Variants in SULT1B1 observed in about 807,000 individuals in gnomAD.
SULT1B1 encodes the protein sulfotransferase 1B1.
In SULT1B1, 28 loss-of-function variants were observed where a neutral mutation model predicts 34.6. The ratio of observed to expected loss-of-function variants is 0.81; its 90% CI spans 0.60 to 1.11. SULT1B1 has a LOEUF of 1.11. SULT1B1 is among the 50% of genes least tolerant of loss of function. The pLI, the probability that SULT1B1 is intolerant of heterozygous loss-of-function variation, is 0.00. For missense variants in SULT1B1, 374 were observed against 352.2 expected (o/e 1.06, Z -0.50); for synonymous variants, 147 against 110.2 (o/e 1.33, Z -2.09).
At chr4:69,755,437 C>G (rs750023915) in intron 1 of SULT1B1, among the ~76,000 whole-genome samples, 176 bp from the exon 2 acceptor site, 4 of 152,110 alleles carry the variant, frequency 2.6e-5, no homozygotes, top group Non-Finnish European at 4.4e-5. Flanking sequence ...CAGTAACTGG[C>G]TCTGTGACAA....
At position 69,725,694 on chromosome 4, in the gene SULT1B1, A is replaced by G. The variant is rs1296495645; in HGVS notation, c.*1394T>C. 6.6e-6 allele frequency: 1 copy of G among 152,104 alleles called. No individual in the cohort carries two copies. Among genetic ancestry groups the G allele is most frequent in the African/African-American group, 2.4e-5 (1 of 41,426 alleles). The allele number at this position is 152,104 out of a possible 1,614,324, so 9.4% of individuals were successfully genotyped here. On this transcript the variant is annotated 3_prime_UTR_variant, in exon 8 of 8. Transcript: ENST00000310613. ...CACCATAGAATACTGTGCAGCCATA[A>G]AAAATGATGAGTTCATGTCCTTTGT...
Position 69,727,073 on chromosome 4 carries a change from T to C in SULT1B1, c.*15A>G. On this transcript the variant is annotated 3_prime_UTR_variant, in exon 8 of 8. Coordinates refer to ENST00000310613, the MANE Select transcript of SULT1B1 (RefSeq NM_014465.4). ...AGACAATCTCTTATTTCTTCAGATG[T>C]GTGATTTAGACACTTTAAATCTCTG... The C allele has an allele frequency of 6.4e-7, 1 of 1,571,074 alleles. No homozygotes were observed. The highest frequency in any genetic ancestry group is 1.2e-5 in the South Asian group (1 of 86,314).
At chr4:69,748,258 G>A (rs537658754) in intron 4 of SULT1B1, among the ~76,000 whole-genome samples, 3 of 152,114 alleles carry the variant, frequency 2.0e-5, no homozygotes, top group African/African-American at 4.8e-5. Context: ...CAAGATAGAC[G>A]TCAGTGGAAA....
chr4:69,745,110 G>T (rs1718702072), intron 4 of SULT1B1, among the ~76,000 whole-genome samples: 1 of 151,992 alleles, frequency 6.6e-6, no homozygotes, highest in Non-Finnish European at 1.5e-5. Flanking sequence ...GTATGATTTT[G>T]GTTTTCTTGT....
chr4:69,753,087 GA>G (rs1719041112), intron 3 of SULT1B1, among the ~76,000 whole-genome samples: 1 of 152,072 alleles, frequency 6.6e-6, no homozygotes, highest in Non-Finnish European at 1.5e-5. Flanking sequence ...ATTGCCTAAT[GA>G]ATATATTTTT....
Position 69,733,470 on chromosome 4 carries a change from C to T in SULT1B1, c.540G>A (p.Trp180Ter), listed in dbSNP as rs1461436700. 6.2e-7 allele frequency: 1 copy of T among 1,607,794 alleles called. No homozygotes were observed. The highest frequency in any genetic ancestry group is 8.5e-7 in the Non-Finnish European group (1 of 1,177,684). ...TTGGGTGTTCTTCCTTTTTCTTCCA[C>T]CAGTTTTTAACATGAGTAAACCAGG... ...YGSWFTHVKN[W>*]WKKKEEHPIL... The change falls in exon 6 of 8, where the codon TGG (tryptophan) becomes TGA (stop). Residue 180 changes from tryptophan to a stop codon, truncating the protein, a stop_gained. Transcript: ENST00000310613. LOFTEE classifies it high-confidence loss of function.
chr4:69,738,658 C>T (rs1718414116), intron 4 of SULT1B1, among the ~76,000 whole-genome samples: 1 of 152,054 alleles, frequency 6.6e-6, no homozygotes. Context: ...TTCCATGGTC[C>T]CTCCCATATC....
chr4:69,730,510 TA>T lies in SULT1B1; in HGVS notation c.768del (p.Phe256LeufsTer49). On this transcript the variant is annotated frameshift_variant, in exon 7 of 8. Coordinates refer to ENST00000310613, the MANE Select transcript of SULT1B1 (RefSeq NM_014465.4). LOFTEE classifies it low-confidence loss of function (END_TRUNC). ...TTVMDHSKSPFMRKGTAGDWK... is the reference protein window; with the variant it reads ...TTVMDHSKSPXMRKGTAGDWK... ...CCAGCAAAGTATTTACCTTTACGCA[TA>T]AAAGGGGATTTGCTATGATCCATCA... The T allele has an allele frequency of 6.2e-7, 1 of 1,601,764 alleles. No homozygotes were observed. Among genetic ancestry groups the T allele is most frequent in the Non-Finnish European group, 8.5e-7 (1 of 1,170,162 alleles).
intron 1 of SULT1B1, 103 bp from the exon 2 acceptor site, chr4:69,755,364 CACATGGAGATCTAAGT>C: frequency 1.2e-6 from 1 of 811,310 alleles, no homozygotes; most frequent in Admixed American, 2.7e-5. Context: ...ACATTCTGCG[CACATGGAGATCTAAGT>C]ACAAAGGGCA....
chr4:69,756,351 A>AT (rs1719192902), intron 1 of SULT1B1, among the ~76,000 whole-genome samples: 1 of 151,950 alleles, frequency 6.6e-6, no homozygotes, highest in South Asian at 2.1e-4. Flanking sequence ...GTCATTGATA[A>AT]TTTTTTGTGT....
In SULT1B1 at chr4:69,721,499, A is replaced by G. The variant is rs537288283; in HGVS notation, c.*5589T>C. On this transcript the variant is annotated 3_prime_UTR_variant, in exon 8 of 8. Transcript: ENST00000310613. ...TTTTTTTCTGTATATGAAAGGAATT[A>G]CAAAATATGGAGAAGGGTTGTATGT... The G allele has an allele frequency of 1.2e-4, 18 of 152,232 alleles. No homozygotes were observed. The highest frequency in any genetic ancestry group is 4.3e-4 in the African/African-American group (18 of 41,584). The allele number at this position is 152,232 out of a possible 1,614,324, so 9.4% of individuals were successfully genotyped here. A position where few individuals can be genotyped will look rare whatever the true frequency, so the allele number is the denominator to read the frequency against.
At chr4:69,749,692 A>G (rs375505678) in intron 4 of SULT1B1, 29 bp downstream of exon 4, 33 of 1,546,518 alleles carry the variant, frequency 2.1e-5, no homozygotes, top group Non-Finnish European at 2.4e-5. Flanking sequence ...GGGCCATACT[A>G]AAAAACTGAC....
intron 4 of SULT1B1, among the ~76,000 whole-genome samples, chr4:69,748,882 C>A (rs965362838): frequency 6.6e-6 from 1 of 151,958 alleles, no homozygotes; most frequent in Non-Finnish European, 1.5e-5. Flanking sequence ...ATATTTACAA[C>A]ACTAAAGGCT....
intron 4 of SULT1B1, among the ~76,000 whole-genome samples, chr4:69,743,188 C>A (rs114050009): frequency 0.013 from 2,048 of 152,224 alleles, 59 homozygotes; most frequent in African/African-American, 0.047. Context: ...GTCTCAAGTT[C>A]TTGTCCTGCA....
chr4:69,754,317 T>C (rs1441591672), intron 3 of SULT1B1, among the ~76,000 whole-genome samples: 1 of 152,194 alleles, frequency 6.6e-6, no homozygotes, highest in Non-Finnish European at 1.5e-5. Flanking sequence ...GTGAATTTTA[T>C]GTTTTAAGAA....
chr4:69,754,768 A>G lies in SULT1B1; in HGVS notation c.179T>C (p.Met60Thr). ...TTCAATATCTCCATCATTTAGAATC[A>G]TGTCTATAATTTCACTAACCCAAGT... The part of the protein sequence containing the change: ...GTTWVSEIID[M>T]ILNDGDIEKC... Residue 60 changes from methionine to threonine, a missense_variant, in exon 3 of 8, where the codon ATG (methionine) becomes ACG (threonine). Coordinates refer to ENST00000310613, the MANE Select transcript of SULT1B1 (RefSeq NM_014465.4). 2 of 1,612,834 alleles carry G rather than the reference A, an allele frequency of 1.2e-6. No individual in the cohort carries two copies. Among genetic ancestry groups the G allele is most frequent in the Non-Finnish European group, 1.7e-6 (2 of 1,179,358 alleles).
intron 2 of SULT1B1, 31 bp downstream of exon 2, chr4:69,755,039 G>A (rs759569748): frequency 2.0e-5 from 32 of 1,563,638 alleles, no homozygotes; most frequent in African/African-American, 9.5e-5. Context: ...AAATGAGGTC[G>A]GACTTGAATT....
In SULT1B1 at chr4:69,723,130, C is replaced by T. The variant is rs1717705772; in HGVS notation, c.*3958G>A. The T allele has an allele frequency of 2.0e-5, 3 of 151,368 alleles. No individual in the cohort carries two copies. The highest frequency in any genetic ancestry group is 4.2e-4 in the South Asian group (2 of 4,810). The allele number at this position is 151,368 out of a possible 1,614,324, so 9.4% of individuals were successfully genotyped here. A position where few individuals can be genotyped will look rare whatever the true frequency, so the allele number is the denominator to read the frequency against. On this transcript the variant is annotated 3_prime_UTR_variant, in exon 8 of 8. Coordinates refer to ENST00000310613, the MANE Select transcript of SULT1B1 (RefSeq NM_014465.4). ...CAAAATTGATAGACCACCAGCAAGA[C>T]TAATAAAGAAGAAAAGAGAGAAGAA...
intron 4 of SULT1B1, among the ~76,000 whole-genome samples, chr4:69,745,641 T>A (rs1159654841): frequency 6.6e-6 from 1 of 152,136 alleles, no homozygotes; most frequent in Non-Finnish European, 1.5e-5. Context: ...GGCAGCAGAG[T>A]TGGGTCTTGC....
Sources: gnomAD v4.1 joint callset for allele counts (sites outside exome capture counted in the v4.1 genomes callset) on GRCh38, gnomAD v4.1.1 for gene constraint, MANE v1.5 for transcripts, NCBI Gene and HGNC (gene_info 2026-07-23, HGNC 2026-07-21) for gene names.